Variants in EHD1 observed in about 807,000 individuals in gnomAD.
EHD1 encodes the protein EH domain containing 1.
EHD1 carries 19 observed loss-of-function variants against 39.0 expected under a neutral mutation model. The ratio of observed to expected loss-of-function variants is 0.49; its 90% CI spans 0.34 to 0.72. EHD1 has a LOEUF of 0.72. Among genes scored for constraint, EHD1 ranks in the 30% least tolerant of loss-of-function variants. The probability of loss-of-function intolerance (pLI) is 0.01; values close to 1 mark genes in which losing one functional copy is unlikely to be tolerated. For missense variants in EHD1, 542 were observed against 751.5 expected (o/e 0.72, Z 3.26); for synonymous variants, 323 against 331.2 (o/e 0.98, Z 0.27).
At chr11:64,866,857 G>A (rs1334703150) in intron 2 of EHD1, among the ~76,000 whole-genome samples, 5 of 151,922 alleles carry the variant, frequency 3.3e-5, no homozygotes, top group South Asian at 2.1e-4. Context: ...GGACAGATAC[G>A]GCACTGTAGG....
intron 3 of EHD1, chr11:64,855,943 CA>C (rs1943648400): frequency 1.3e-5 from 1 of 79,302 alleles, no homozygotes; most frequent in African/African-American, 5.1e-5. Context: ...ACGCATCACA[CA>C]CCCTCCGCTC....
intron 1 of EHD1, among the ~76,000 whole-genome samples, 164 bp from the exon 2 acceptor site, chr11:64,874,682 G>A (rs1161613153): frequency 6.6e-6 from 1 of 152,180 alleles, no homozygotes; most frequent in East Asian, 1.9e-4. Context: ...CGGGGTGGCC[G>A]GCAAATCGTA....
rs746339228 is a variant in EHD1, at chr11:64,878,195, G to C, written c.270C>G (p.Pro90=). The change falls in exon 1 of 5, where the codon CCC becomes CCG. Residue 90 remains proline, a synonymous_variant. Transcript: ENST00000320631. ...EQDFPGMRIG[P]EPTTDSFIAV... ...CGATGAAGGAGTCGGTGGTGGGCTCGGGCCCGATGCGCATCCCCGGGAAGT... is the reference window on the plus strand; with the variant it reads ...CGATGAAGGAGTCGGTGGTGGGCTCCGGCCCGATGCGCATCCCCGGGAAGT... The C allele has an allele frequency of 2.5e-6, 4 of 1,611,462 alleles. No homozygotes were observed. The South Asian group carries it at 3.3e-5, about 13-fold the overall frequency.
chr11:64,851,800 G>C lies in EHD1; in HGVS notation c.*2533C>G, dbSNP rs1039705441. 1.3e-5 allele frequency: 2 copies of C among 152,284 alleles called. No homozygotes were observed. The highest frequency in any genetic ancestry group is 4.8e-5 in the African/African-American group (2 of 41,438). The allele number at this position is 152,284 out of a possible 1,614,324, so 9.4% of individuals were successfully genotyped here. ...ACGCTGGAGTTGGACGGCCTGGTTTGCATCTGCTTCTACCACCTTTGTTAT... is the reference window on the plus strand; with the variant it reads ...ACGCTGGAGTTGGACGGCCTGGTTTCCATCTGCTTCTACCACCTTTGTTAT... On this transcript the variant is annotated 3_prime_UTR_variant, in exon 5 of 5. Coordinates refer to ENST00000320631, the MANE Select transcript of EHD1 (RefSeq NM_006795.4).
At chr11:64,877,627 T>C (rs1320881040) in intron 1 of EHD1, among the ~76,000 whole-genome samples, 2 of 152,192 alleles carry the variant, frequency 1.3e-5, no homozygotes, top group Non-Finnish European at 2.9e-5. Flanking sequence ...AGGGAATGGC[T>C]AAAAGTTTCA....
rs746154578 is a variant in EHD1 at position 64,854,324 on chromosome 11, C to T, written c.*9G>A. 5.6e-6 allele frequency: 9 copies of T among 1,594,264 alleles called. No homozygotes were observed. The highest frequency in any genetic ancestry group is 4.4e-5 in the South Asian group (4 of 90,158). Reference sequence around the variant, plus strand: ...GGCGTGCAAATGGCAGGTGCGGGGCCGGGCGCCATCACTCATGTCTGCGCT... The same window carrying T: ...GGCGTGCAAATGGCAGGTGCGGGGCTGGGCGCCATCACTCATGTCTGCGCT... On this transcript the variant is annotated 3_prime_UTR_variant, in exon 5 of 5. Coordinates refer to ENST00000320631, the MANE Select transcript of EHD1 (RefSeq NM_006795.4).
upstream of EHD1, chr11:64,878,868 G>T (rs1943922701): frequency 1.9e-6 from 2 of 1,079,992 alleles, no homozygotes; most frequent in Admixed American, 5.0e-5. Context: ...GGAGGCTCGC[G>T]AAAGTGCTGC....
In EHD1 at chr11:64,854,786, G is replaced by T; in HGVS notation, c.1152C>A (p.Asp384Glu). Residue 384 changes from aspartate (D) to glutamate (E), a missense_variant, in exon 5 of 5, where the codon GAC becomes GAA. Coordinates refer to ENST00000320631, the MANE Select transcript of EHD1 (RefSeq NM_006795.4). ...LKPKLLDTVDDMLANDIARLM... is the reference protein window; with the variant it reads ...LKPKLLDTVDEMLANDIARLM... Reference sequence around the variant, plus strand: ...GCCGCGCGATGTCGTTGGCCAGCATGTCATCCACCGTGTCCAGCAGCTTGG... The same window carrying T: ...GCCGCGCGATGTCGTTGGCCAGCATTTCATCCACCGTGTCCAGCAGCTTGG... 1 of 1,605,402 alleles carries T rather than the reference G, an allele frequency of 6.2e-7. No homozygotes were observed. Among genetic ancestry groups the T allele is most frequent in the Admixed American group, 1.7e-5 (1 of 60,020 alleles).
intron 2 of EHD1, among the ~76,000 whole-genome samples, chr11:64,864,447 G>C (rs953083300): frequency 6.6e-6 from 1 of 152,212 alleles, no homozygotes; most frequent in Non-Finnish European, 1.5e-5. Flanking sequence ...GTGAAGTCTC[G>C]GCAGAAAACC....
intron 2 of EHD1, among the ~76,000 whole-genome samples, chr11:64,870,357 C>T (rs1029687973): frequency 6.6e-6 from 1 of 152,218 alleles, no homozygotes; most frequent in Non-Finnish European, 1.5e-5. Context: ...CAAATCCTAG[C>T]GCCGACACTT....
rs564100576 is a variant in EHD1, at chr11:64,877,295, G to C, written c.404+766C>G. On this transcript the variant is annotated intron_variant, in intron 1 of 4. Coordinates refer to ENST00000320631, the MANE Select transcript of EHD1 (RefSeq NM_006795.4). The stretch of plus-strand genomic sequence containing the variant: ...GAGTCCTGGAGCTCACTCTCCTCGC[G>C]TGCAGAGGCCACTTAACTGGAAAAG... Among the ~76,000 whole-genome samples the C allele has an allele frequency of 5.3e-5, 8 of 152,266 alleles. No homozygotes were observed. The East Asian group carries it at 1.3e-3, about 26-fold the overall frequency.
intron 1 of EHD1, 24 bp from the exon 2 acceptor site, chr11:64,874,542 G>T (rs370511037): frequency 6.4e-7 from 1 of 1,571,750 alleles, no homozygotes; most frequent in Non-Finnish European, 8.6e-7. Context: ...AGAGCCAGAA[G>T]AGAGGCGTCA....
intron 1 of EHD1, among the ~76,000 whole-genome samples, chr11:64,875,276 CGTG>C (rs1036095313): frequency 1.3e-5 from 2 of 152,200 alleles, no homozygotes; most frequent in African/African-American, 4.8e-5. Context: ...AAAGGCCAGG[CGTG>C]GTGGCTCACG....
intron 1 of EHD1, 129 bp downstream of exon 1, chr11:64,877,931 TG>T: frequency 1.1e-6 from 1 of 928,908 alleles, no homozygotes; most frequent in Non-Finnish European, 1.5e-6. Flanking sequence ...GACCAGGGAG[TG>T]GTCACTGAGG....
chr11:64,877,931 T>G, intron 1 of EHD1, 130 bp downstream of exon 1: 2 of 928,906 alleles, frequency 2.2e-6, no homozygotes, highest in South Asian at 2.3e-5. Context: ...GACCAGGGAG[T>G]GGTCACTGAG....
intron 1 of EHD1, among the ~76,000 whole-genome samples, chr11:64,875,069 G>A (rs374965142): frequency 6.6e-6 from 1 of 152,214 alleles, no homozygotes; most frequent in South Asian, 2.1e-4. Flanking sequence ...GCACAGACGC[G>A]CCATTCTCTG....
intron 3 of EHD1, among the ~76,000 whole-genome samples, chr11:64,857,314 C>T (rs1408229162): frequency 2.0e-5 from 3 of 152,128 alleles, no homozygotes; most frequent in Non-Finnish European, 4.4e-5. Context: ...ATCCCAGCTA[C>T]TCAGGAGGCT....
chr11:64,853,475 G>T lies in EHD1; in HGVS notation c.*858C>A, dbSNP rs1943605890. 6.6e-6 allele frequency: 1 copy of T among 152,430 alleles called. No individual in the cohort carries two copies. The highest frequency in any genetic ancestry group is 1.5e-5 in the Non-Finnish European group (1 of 68,066). 9.4% of individuals were successfully genotyped at this position (152,430 alleles called of 1,614,324 possible). On this transcript the variant is annotated 3_prime_UTR_variant, in exon 5 of 5. Coordinates refer to ENST00000320631, the MANE Select transcript of EHD1 (RefSeq NM_006795.4). The stretch of plus-strand genomic sequence containing the variant: ...CCAGGAAATGCAACACTGGGGTCCA[G>T]GAACGGGGTGCTCCCCGGGTACCCA...
At chr11:64,879,226 G>A (rs193198133), upstream of EHD1, 72 of 1,099,772 alleles carry the variant, frequency 6.5e-5, 1 homozygote, top group Admixed American at 3.2e-3. Flanking sequence ...ATCCGGGGCG[G>A]GCTGGTGACT....
Sources: gnomAD v4.1 joint callset for allele counts (sites outside exome capture counted in the v4.1 genomes callset) on GRCh38, gnomAD v4.1.1 for gene constraint, MANE v1.5 for transcripts, NCBI Gene and HGNC (gene_info 2026-07-23, HGNC 2026-07-21) for gene names.